The following FAAH2 variants were observed in gnomAD, a reference collection of about 807,000 sequenced individuals.
The protein encoded by FAAH2 is fatty acid amide hydrolase 2.
Under a neutral mutation model 36.9 loss-of-function variants are expected in FAAH2, and 60 were observed. That is an observed-to-expected ratio of 1.63 (90% CI 1.32 to 2.02). The LOEUF is 2.02. FAAH2 is among the 30% of genes most tolerant of loss of function. The probability of loss-of-function intolerance (pLI) is 0.00; values close to 1 mark genes in which losing one functional copy is unlikely to be tolerated. For missense variants in FAAH2, 689 were observed against 397.5 expected, an observed-to-expected ratio of 1.73 and a Z score of -6.23; for synonymous variants, 214 against 143.8, an observed-to-expected ratio of 1.49 and a Z score of -3.49.
rs144152497 is a variant in FAAH2, at chrX:57,309,898, A to G, written c.276-695A>G. On this transcript the variant is annotated intron_variant, in intron 2 of 10. Coordinates refer to ENST00000374900, the MANE Select transcript of FAAH2 (RefSeq NM_174912.4). ...AGTGGCGCAATGAACATATGTGTGC[A>G]TGTATCTTTATAATAAAATGATTTA... Among the ~76,000 whole-genome samples, 60 of 111,993 alleles carry G rather than the reference A, an allele frequency of 5.4e-4. 1 individual carries two copies. In the East Asian group the frequency reaches 0.016, roughly 30 times the overall value.
intron 5 of FAAH2, among the ~76,000 whole-genome samples, chrX:57,375,257 C>G (rs1259488887): frequency 9.2e-6 from 1 of 108,505 alleles, no homozygotes; most frequent in Non-Finnish European, 1.9e-5. Context: ...AGAGAGGATT[C>G]CTTCTTTCTC....
the FAAH2 span, among the ~76,000 whole-genome samples, chrX:57,212,156 A>G: frequency 9.0e-6 from 1 of 111,643 alleles, no homozygotes; most frequent in Non-Finnish European, 1.9e-5. Context: ...ATTGCTTGAA[A>G]CAAGGAGTTT....
chrX:57,413,000 G>A (rs750416074), intron 7 of FAAH2, among the ~76,000 whole-genome samples: 3 of 112,408 alleles, frequency 2.7e-5, no homozygotes, highest in Non-Finnish European at 3.8e-5. Context: ...TATTTCATAT[G>A]TTTGTTGGCT....
chrX:57,185,884 A>G, the FAAH2 span, among the ~76,000 whole-genome samples: 1 of 111,296 alleles, frequency 9.0e-6, no homozygotes, highest in Admixed American at 9.6e-5. Context: ...AAAGGACATA[A>G]AGGACATGAA....
At chrX:57,440,866 T>C (rs879140238) in intron 8 of FAAH2, among the ~76,000 whole-genome samples, 1 of 111,559 alleles carries the variant, frequency 9.0e-6, no homozygotes, top group South Asian at 3.8e-4. Flanking sequence ...TAATCATGTG[T>C]TTTTTGTCTT....
intron 8 of FAAH2, among the ~76,000 whole-genome samples, chrX:57,436,941 A>G (rs2056423105): frequency 9.0e-6 from 1 of 111,166 alleles, no homozygotes; most frequent in African/African-American, 3.3e-5. Context: ...CAGAAAAACT[A>G]CAGATCAGTA....
At chrX:57,260,583 G>C in the FAAH2 span, among the ~76,000 whole-genome samples, 7 of 111,620 alleles carry the variant, frequency 6.3e-5, no homozygotes, top group African/African-American at 2.3e-4. Flanking sequence ...TAAATGATTT[G>C]CTCTTGAAAA....
At chrX:57,474,399 C>G (rs763936739) in intron 10 of FAAH2, among the ~76,000 whole-genome samples, 1 of 110,691 alleles carries the variant, frequency 9.0e-6, no homozygotes, top group Non-Finnish European at 1.9e-5. Context: ...TGATTTTCCC[C>G]TCCCTGTGTC....
At chrX:57,314,665 G>T (rs1472195505) in intron 3 of FAAH2, among the ~76,000 whole-genome samples, 2 of 110,682 alleles carry the variant, frequency 1.8e-5, no homozygotes, top group Non-Finnish European at 3.8e-5. Context: ...CAAAAAAAGT[G>T]ATTAATAACT....
At chrX:57,288,138 G>A (rs2051863435) in intron 1 of FAAH2, among the ~76,000 whole-genome samples, 1 of 110,189 alleles carries the variant, frequency 9.1e-6, no homozygotes, top group Admixed American at 9.6e-5. Flanking sequence ...GTAGAAAGAT[G>A]ATATATTTCA....
the FAAH2 span, among the ~76,000 whole-genome samples, chrX:57,203,036 G>T: frequency 2.7e-5 from 3 of 111,741 alleles, no homozygotes; most frequent in African/African-American, 9.8e-5. Flanking sequence ...CCAGCTCAGT[G>T]GTGGAGACCA....
At chrX:57,377,553 G>T (rs183703279) in intron 5 of FAAH2, among the ~76,000 whole-genome samples, 2 of 112,118 alleles carry the variant, frequency 1.8e-5, no homozygotes, top group Non-Finnish European at 3.8e-5. Flanking sequence ...CTGTAGCCTT[G>T]TAATATTGTT....
intron 5 of FAAH2, among the ~76,000 whole-genome samples, chrX:57,354,408 T>C (rs768135375): frequency 8.1e-5 from 9 of 110,486 alleles, no homozygotes; most frequent in Non-Finnish European, 1.7e-4. Flanking sequence ...AGTAGAATGA[T>C]AGATAATGGA....
At chrX:57,207,060 C>A in the FAAH2 span, among the ~76,000 whole-genome samples, 1 of 110,716 alleles carries the variant, frequency 9.0e-6, no homozygotes, top group Non-Finnish European at 1.9e-5. Flanking sequence ...ATATACTAAA[C>A]CTTGGTGAGA....
At chrX:57,439,814 A>T (rs1273073438) in intron 8 of FAAH2, among the ~76,000 whole-genome samples, 2 of 111,795 alleles carry the variant, frequency 1.8e-5, no homozygotes, top group Non-Finnish European at 3.8e-5. Context: ...TTAGCTTTCT[A>T]CATATGGCTA....
At chrX:57,238,388 A>G in the FAAH2 span, among the ~76,000 whole-genome samples, 4 of 111,897 alleles carry the variant, frequency 3.6e-5, no homozygotes, top group Admixed American at 3.8e-4. Flanking sequence ...TAGCAAACTA[A>G]CACAGGAATA....
At chrX:57,409,106 T>C (rs2055636892) in intron 7 of FAAH2, among the ~76,000 whole-genome samples, 1 of 111,627 alleles carries the variant, frequency 9.0e-6, no homozygotes, top group African/African-American at 3.3e-5. Context: ...ATGGTAAGTA[T>C]GTGTTTATCC....
At chrX:57,463,357 C>T (rs2056994257) in intron 10 of FAAH2, among the ~76,000 whole-genome samples, 1 of 110,380 alleles carries the variant, frequency 9.1e-6, no homozygotes, top group South Asian at 3.9e-4. Flanking sequence ...CCAAGAAAAC[C>T]CTAAGAAAAA....
At chrX:57,423,550 G>C (rs775239802) in intron 7 of FAAH2, among the ~76,000 whole-genome samples, 1 of 111,856 alleles carries the variant, frequency 8.9e-6, no homozygotes, top group Non-Finnish European at 1.9e-5. Flanking sequence ...TTGAGAGTGT[G>C]GAAGCAATGT....
Sources: gnomAD v4.1 joint callset for allele counts (sites outside exome capture counted in the v4.1 genomes callset) on GRCh38, gnomAD v4.1.1 for gene constraint, MANE v1.5 for transcripts, NCBI Gene and HGNC (gene_info 2026-07-23, HGNC 2026-07-21) for gene names.